The following GALNT15 variants were observed in gnomAD, a reference collection of about 807,000 sequenced individuals.
GALNT15 encodes polypeptide N-acetylgalactosaminyltransferase 15.
A neutral mutation model predicts 66.8 loss-of-function variants in GALNT15; 67 were observed. The ratio of observed to expected loss-of-function variants is 1.00; its 90% CI spans 0.82 to 1.23. GALNT15 has a LOEUF of 1.23. Ranked by LOEUF, GALNT15 falls within the 50% of genes most tolerant of loss-of-function variation. The probability of loss-of-function intolerance (pLI) is 0.00; values close to 1 mark genes in which losing one functional copy is unlikely to be tolerated. For missense variants in GALNT15, 827 were observed against 804.3 expected (o/e 1.03, Z -0.34); for synonymous variants, 313 against 311.5 (o/e 1.00, Z -0.05).
downstream of GALNT15, chr3:16,231,732 C>A (rs1417635733): frequency 1.8e-5 from 24 of 1,324,706 alleles, no homozygotes; most frequent in South Asian, 2.8e-4. This position sits in a 1 kb window ranked among gnomAD's most constrained non-coding sequence, Gnocchi z 4.1. Context: ...GTACCTATGA[C>A]AAATGCTAAA....
rs1252989693 is a variant in GALNT15 at position 16,174,878 on chromosome 3, A to G, written c.-274A>G. 2.2e-6 allele frequency: 1 copy of G among 461,708 alleles called. No individual in the cohort carries two copies. Among genetic ancestry groups the G allele is most frequent in the African/African-American group, 1.9e-5 (1 of 51,958 alleles). The allele number at this position is 461,708 out of a possible 1,614,324, so 28.6% of individuals were successfully genotyped here. ...GGGGTAAAGGGAGGGAAGCAATTCA[A>G]TTTGAAGTCCCTGTGAATGGGCTTT... On this transcript the variant is annotated 5_prime_UTR_variant, in exon 1 of 10. Coordinates refer to ENST00000339732, the MANE Select transcript of GALNT15 (RefSeq NM_054110.5). The surrounding 1 kb of genome is among the most constrained non-coding windows in gnomAD (Gnocchi z 4.7).
intron 6 of GALNT15, among the ~76,000 whole-genome samples, chr3:16,218,634 C>A (rs2063905850): frequency 6.6e-6 from 1 of 151,982 alleles, no homozygotes; most frequent in Non-Finnish European, 1.5e-5. Context: ...TTGCCCCAAC[C>A]CCTAGCCCAC....
At chr3:16,244,719 C>T in the GALNT15 span, among the ~76,000 whole-genome samples, 2 of 152,242 alleles carry the variant, frequency 1.3e-5, no homozygotes, top group African/African-American at 4.8e-5. Context: ...CTCTTTCTTA[C>T]CAGACCCATG....
intron 3 of GALNT15, among the ~76,000 whole-genome samples, chr3:16,208,032 C>G (rs2063775836): frequency 6.6e-6 from 1 of 152,186 alleles, no homozygotes; most frequent in African/African-American, 2.4e-5. Flanking sequence ...CTGTATCTCT[C>G]AGTGCTGTCA....
intron 6 of GALNT15, among the ~76,000 whole-genome samples, chr3:16,218,816 T>C (rs2063908439): frequency 1.4e-5 from 2 of 147,562 alleles, no homozygotes; most frequent in South Asian, 2.2e-4. Flanking sequence ...CTCTCTTTTT[T>C]TTTTTTTTTT....
At chr3:16,192,086 T>C (rs1413995724) in intron 1 of GALNT15, among the ~76,000 whole-genome samples, 2 of 152,148 alleles carry the variant, frequency 1.3e-5, no homozygotes, top group Admixed American at 6.5e-5. Flanking sequence ...AAATATTGAG[T>C]GAATTACCCA....
At chr3:16,233,092 A>AACTTTTTTTTTTTT (rs2064099282), downstream of GALNT15, among the ~76,000 whole-genome samples, 1 of 48,074 alleles carries the variant, frequency 2.1e-5, no homozygotes, top group South Asian at 7.8e-4. Flanking sequence ...AGGATAATGC[A>AACTTTTTTTTTTTT]TCTTTTTTTT....
At chr3:16,199,653 T>A (rs2063677762) in intron 2 of GALNT15, among the ~76,000 whole-genome samples, 1 of 149,918 alleles carries the variant, frequency 6.7e-6, no homozygotes. Flanking sequence ...GCTGAACAAA[T>A]ATGTGGTTTC....
In GALNT15 at chr3:16,212,468, T is replaced by A. The variant is rs1213951030; in HGVS notation, c.1198-101T>A. 2.8e-6 allele frequency: 3 copies of A among 1,075,814 alleles called. No homozygotes were observed. The Admixed American group carries it at 7.3e-5, about 26-fold the overall frequency. The allele number at this position is 1,075,814 out of a possible 1,614,324, so 66.6% of individuals were successfully genotyped here. A position where few individuals can be genotyped will look rare whatever the true frequency, so the allele number is the denominator to read the frequency against. ...CATCTTCACCATTGAGTGCTCACGATTTCCTGTGCATTTTGCCAGCCCCTC... is the reference window on the plus strand; with the variant it reads ...CATCTTCACCATTGAGTGCTCACGAATTCCTGTGCATTTTGCCAGCCCCTC... On this transcript the variant is annotated intron_variant, in intron 5 of 9. Coordinates refer to ENST00000339732, the MANE Select transcript of GALNT15 (RefSeq NM_054110.5).
chr3:16,221,866 A>C lies in GALNT15; in HGVS notation c.1630-749A>C, dbSNP rs538715754. 2.6e-5 allele frequency among the ~76,000 whole-genome samples: 4 copies of C among 152,338 alleles called. No homozygotes were observed. In the East Asian group the frequency reaches 5.8e-4, roughly 22 times the overall value. On this transcript the variant is annotated intron_variant, in intron 8 of 9. Transcript: ENST00000339732. ...GTTATCTAATTGCAGGGCCCAGTGC[A>C]AGATGACAATGTAGTCTTTAATTTG...
rs2064055870 is a variant in GALNT15 at position 16,229,214 on chromosome 3, C to T, written c.*1714C>T. ...ATCATAACTACGTATTCATTGTCTA[C>T]CTGCTAAGTCAAGGGTTCACTGCAT... On this transcript the variant is annotated 3_prime_UTR_variant, in exon 10 of 10. Transcript: ENST00000339732. 2.0e-6 allele frequency: 2 copies of T among 985,238 alleles called. No individual in the cohort carries two copies. The highest frequency in any genetic ancestry group is 3.5e-5 in the African/African-American group (2 of 57,234). 61.0% of individuals were successfully genotyped at this position (985,238 alleles called of 1,614,324 possible).
chr3:16,180,677 G>A lies in GALNT15; in HGVS notation c.539+4987G>A, dbSNP rs73134375. Among the ~76,000 whole-genome samples the A allele has an allele frequency of 0.024, 3,656 of 152,290 alleles. 153 individuals carry two copies. The highest frequency in any genetic ancestry group is 0.083 in the African/African-American group (3,430 of 41,536). ...CTGGTAGAGTTTGGGAAGTTTCCAC[G>A]TAGGAAGCAATACTAGAGTCAGAAA... On this transcript the variant is annotated intron_variant, in intron 1 of 9. Transcript: ENST00000339732. The surrounding 1 kb of genome is among the most constrained non-coding windows in gnomAD (Gnocchi z 5.0).
downstream of GALNT15, among the ~76,000 whole-genome samples, chr3:16,233,092 A>ATGTTTTTTTTTTTTTT (rs771943641): frequency 1.2e-4 from 6 of 48,076 alleles, no homozygotes; most frequent in African/African-American, 4.4e-4. Context: ...AGGATAATGC[A>ATGTTTTTTTTTTTTTT]TCTTTTTTTT....
At chr3:16,212,912 C>T (rs1418122727) in intron 6 of GALNT15, 149 bp downstream of exon 6, 3 of 670,022 alleles carry the variant, frequency 4.5e-6, no homozygotes, top group Non-Finnish European at 5.0e-6. Flanking sequence ...TAAGTGGCTC[C>T]TCCACCTGGT....
In GALNT15 at chr3:16,175,629, C is replaced by A. The variant is rs2063399919; in HGVS notation, c.478C>A (p.Gln160Lys). 6.2e-7 allele frequency: 1 copy of A among 1,612,976 alleles called. No individual in the cohort carries two copies. The highest frequency in any genetic ancestry group is 1.1e-5 in the South Asian group (1 of 91,012). Residue 160 changes from glutamine to lysine, a missense_variant, in exon 1 of 10, where the codon CAG (glutamine) becomes AAG (lysine). By Grantham distance (53) the Gln-to-Lys change is moderately conservative (BLOSUM62 1). Transcript: ENST00000339732. The surrounding 1 kb of genome is among the most constrained non-coding windows in gnomAD (Gnocchi z 5.6). ...TPFSLDPRGL[Q>K]EALSARIPLQ... ...GTTCAGCCTGGACCCACGTGGCCTC[C>A]AGGAGGCACTCAGTGCCCGCATCCC... is the stretch of plus-strand genomic sequence containing the variant.
chr3:16,175,625 C>T lies in GALNT15; in HGVS notation c.474C>T (p.Gly158=). 1 of 1,613,048 alleles carries T rather than the reference C, an allele frequency of 6.2e-7. No individual in the cohort carries two copies. Among genetic ancestry groups the T allele is most frequent in the Non-Finnish European group, 8.5e-7 (1 of 1,179,882 alleles). The change falls in exon 1 of 10, where the codon GGC becomes GGT. Residue 158 remains glycine, a synonymous_variant. Transcript: ENST00000339732. This position sits in a 1 kb window ranked among gnomAD's most constrained non-coding sequence, Gnocchi z 5.6. Reference sequence around the variant, plus strand: ...CCCCGTTCAGCCTGGACCCACGTGGCCTCCAGGAGGCACTCAGTGCCCGCA... The same window carrying T: ...CCCCGTTCAGCCTGGACCCACGTGGTCTCCAGGAGGCACTCAGTGCCCGCA... The part of the protein sequence containing the change: ...ELTPFSLDPR[G]LQEALSARIP...
chr3:16,213,235 C>G (rs1306762945), intron 6 of GALNT15, among the ~76,000 whole-genome samples: 1 of 151,986 alleles, frequency 6.6e-6, no homozygotes, highest in African/African-American at 2.4e-5. Context: ...GTGGGTGGAT[C>G]ACGAGGTCAG....
rs1298923425 is a variant in GALNT15, at chr3:16,182,735, C to G, written c.539+7045C>G. The G allele has an allele frequency of 6.6e-6, 1 of 152,338 alleles. No individual in the cohort carries two copies. The highest frequency in any genetic ancestry group is 2.4e-5 in the African/African-American group (1 of 41,432). 9.4% of individuals were successfully genotyped at this position (152,338 alleles called of 1,614,324 possible). A position where few individuals can be genotyped will look rare whatever the true frequency, so the allele number is the denominator to read the frequency against. On this transcript the variant is annotated intron_variant, in intron 1 of 9. Transcript: ENST00000339732. The surrounding 1 kb of genome is among the most constrained non-coding windows in gnomAD (Gnocchi z 6.1). ...CAGGAACCAACAGCATCAGCATTAC[C>G]TGGGAGCTCACCAGAAATGCAGAAT...
chr3:16,232,108 T>C, downstream of GALNT15: 1 of 650,818 alleles, frequency 1.5e-6, no homozygotes, highest in Non-Finnish European at 2.3e-6. Flanking sequence ...CTCTCCAAAA[T>C]TCTCCAACCC....
Sources: allele counts gnomAD v4.1 joint callset (sites outside exome capture counted in the v4.1 genomes callset), GRCh38; gene constraint gnomAD v4.1.1; non-coding constraint Gnocchi (gnomAD v3.1); transcripts MANE v1.5; gene names NCBI Gene and HGNC (gene_info 2026-07-23, HGNC 2026-07-21).